The following EVC2 variants were observed in gnomAD, a reference collection of about 807,000 sequenced individuals.
EVC2 encodes limbin.
EVC2 carries 148 observed loss-of-function variants against 149.3 expected under a neutral mutation model. The observed-to-expected ratio is 0.99, with a 90% CI of 0.87 to 1.14. The LOEUF (loss-of-function observed/expected upper bound fraction) is 1.14, where lower values mean the gene tolerates loss of function less well. Ranked by LOEUF, EVC2 falls within the 50% of genes most tolerant of loss-of-function variation. The pLI is 0.00. For synonymous variants in EVC2, 776 were observed against 649.9 expected, an observed-to-expected ratio of 1.19 and a Z score of -2.95; for missense variants, 1,854 against 1,627.3, an observed-to-expected ratio of 1.14 and a Z score of -2.40.
Position 5,625,714 on chromosome 4 carries a change from T to C in EVC2, c.2046+35A>G. On this transcript the variant is annotated intron_variant, in intron 13 of 21. Coordinates refer to ENST00000344408, the MANE Select transcript of EVC2 (RefSeq NM_147127.5). This position sits in a 1 kb window ranked among gnomAD's most constrained non-coding sequence, Gnocchi z 4.0. ...CACTTGATGGGTATCAGAAAGTGCCTATGCAAAGAATAAATAGCATCATGC... is the reference window on the plus strand; with the variant it reads ...CACTTGATGGGTATCAGAAAGTGCCCATGCAAAGAATAAATAGCATCATGC... 1 of 1,613,720 alleles carries C rather than the reference T, an allele frequency of 6.2e-7. No homozygotes were observed. The highest frequency in any genetic ancestry group is 8.5e-7 in the Non-Finnish European group (1 of 1,179,904).
chr4:5,697,464 T>A (rs7656937), intron 2 of EVC2, 129 bp downstream of exon 2: 1 of 917,588 alleles, frequency 1.1e-6, no homozygotes, highest in East Asian at 2.6e-5. Context: ...CAGGGAATGA[T>A]CTACTTGCCC....
Position 5,707,029 on chromosome 4 carries a change from T to C in EVC2, c.228+1257A>G, listed in dbSNP as rs533089566. Among the ~76,000 whole-genome samples the C allele has an allele frequency of 1.6e-4, 25 of 152,222 alleles. 1 individual carries two copies. The South Asian group carries it at 2.1e-3, about 13-fold the overall frequency. On this transcript the variant is annotated intron_variant, in intron 1 of 21. Transcript: ENST00000344408. ...GTGCACCAGGATTTCTGACACTGGC[T>C]TCCCAGAAGGAAGAGCTTGTGCAAA...
chr4:5,594,962 C>G (rs894960635), intron 16 of EVC2, among the ~76,000 whole-genome samples: 3 of 152,034 alleles, frequency 2.0e-5, no homozygotes, highest in South Asian at 2.1e-4. Flanking sequence ...GGAAGAAAGG[C>G]TATCAGTGAC....
At chr4:5,609,458 C>A (rs1011576899) in intron 16 of EVC2, among the ~76,000 whole-genome samples, 14 of 152,314 alleles carry the variant, frequency 9.2e-5, no homozygotes, top group Admixed American at 4.6e-4. Context: ...TTGGCACCTG[C>A]CACAATGAAA....
rs115707508 is a variant in EVC2 at position 5,647,814 on chromosome 4, T to C, written c.1146-6976A>G. Among the ~76,000 whole-genome samples, 1,243 of 152,224 alleles carry C rather than the reference T, an allele frequency of 8.2e-3. 10 individuals carry two copies. The highest frequency in any genetic ancestry group is 0.031 in the Middle Eastern group (9 of 294). On this transcript the variant is annotated intron_variant, in intron 9 of 21. Coordinates refer to ENST00000344408, the MANE Select transcript of EVC2 (RefSeq NM_147127.5). ...GGCTACTCATCAGCTGACCTTAAGATTGAGATCAAGAACAAGGCCTTTTAA... is the reference window on the plus strand; with the variant it reads ...GGCTACTCATCAGCTGACCTTAAGACTGAGATCAAGAACAAGGCCTTTTAA...
chr4:5,587,187 C>A (rs990965565), intron 16 of EVC2, among the ~76,000 whole-genome samples: 2 of 152,066 alleles, frequency 1.3e-5, no homozygotes, highest in African/African-American at 4.8e-5. Flanking sequence ...ATTCAGTAGC[C>A]CCCACCTCTA....
chr4:5,536,567 G>A, the EVC2 span, among the ~76,000 whole-genome samples: 4,493 of 152,174 alleles, frequency 0.03, 97 homozygotes, highest in Non-Finnish European at 0.039. Flanking sequence ...GGCAGATCAC[G>A]AGGTCAGGAG....
At chr4:5,572,060 CTCTT>C (rs1577103921) in intron 19 of EVC2, among the ~76,000 whole-genome samples, 2 of 152,200 alleles carry the variant, frequency 1.3e-5, no homozygotes, top group East Asian at 3.9e-4. Context: ...TTCAATAAAT[CTCTT>C]TCTCTACAGA....
intron 1 of EVC2, among the ~76,000 whole-genome samples, chr4:5,704,069 T>C (rs1167453711): frequency 2.0e-5 from 3 of 151,990 alleles, no homozygotes; most frequent in African/African-American, 7.2e-5. Context: ...CTGGGGACAA[T>C]GGGAAGCCAC....
chr4:5,563,062 T>C lies in EVC2; in HGVS notation c.3713A>G (p.Lys1238Arg), dbSNP rs760992317. The C allele has an allele frequency of 1.2e-6, 2 of 1,614,144 alleles. No individual in the cohort carries two copies. The highest frequency in any genetic ancestry group is 1.7e-5 in the Admixed American group (1 of 60,024). Reference sequence around the variant, plus strand: ...CAGTGACAGGTGTGGCCAACTTCCTTTTCCAGAGAATATCATCCTCTCTCT... The same window carrying C: ...CAGTGACAGGTGTGGCCAACTTCCTCTTCCAGAGAATATCATCCTCTCTCT... The part of the protein sequence containing the change: ...PLRERMIFSG[K>R]GSWPHLSLEP... The change falls in exon 22 of 22, where the codon AAA becomes AGA. Residue 1238 changes from lysine to arginine, a missense_variant. Lys to Arg is a conservative substitution (Grantham distance 26). Coordinates refer to ENST00000344408, the MANE Select transcript of EVC2 (RefSeq NM_147127.5).
rs533239974 is a variant in EVC2 at position 5,577,354 on chromosome 4, C to T, written c.3058-900G>A. Among the ~76,000 whole-genome samples the T allele has an allele frequency of 3.3e-5, 5 of 152,302 alleles. No homozygotes were observed. The South Asian group carries it at 8.3e-4, about 25-fold the overall frequency. ...ATCTCACACAAGAAACTGTCCACAG[C>T]CTGCTTAGGTGGGTTGTGGGCGGAG... On this transcript the variant is annotated intron_variant, in intron 17 of 21. Coordinates refer to ENST00000344408, the MANE Select transcript of EVC2 (RefSeq NM_147127.5).
chr4:5,683,918 G>A (rs571177817), intron 6 of EVC2, among the ~76,000 whole-genome samples: 2 of 149,608 alleles, frequency 1.3e-5, no homozygotes, highest in Admixed American at 6.6e-5. Flanking sequence ...ACAGCTGCCC[G>A]GGAACACACA....
chr4:5,641,665 T>C (rs1404956062), intron 9 of EVC2, among the ~76,000 whole-genome samples: 2 of 152,218 alleles, frequency 1.3e-5, no homozygotes, highest in South Asian at 2.1e-4. Context: ...AAAAAATTAA[T>C]TTATGTTATG....
At chr4:5,546,937 G>C (rs2108757462) in intron 21 of EVC2, among the ~76,000 whole-genome samples, 1 of 152,260 alleles carries the variant, frequency 6.6e-6, no homozygotes, top group South Asian at 2.1e-4. Flanking sequence ...TGCAGCCACA[G>C]CTGCCCAAGT....
At chr4:5,702,988 C>G (rs1721919744) in intron 1 of EVC2, among the ~76,000 whole-genome samples, 1 of 152,182 alleles carries the variant, frequency 6.6e-6, no homozygotes, top group South Asian at 2.1e-4. Context: ...AGCAAATATA[C>G]AATTGTTATT....
At position 5,679,522 on chromosome 4, in the gene EVC2, G is replaced by A. The variant is rs1164951240; in HGVS notation, c.870+1738C>T. ...CAAAGTACTGAGATTACAGGCATGA[G>A]CCACTATGCCTGGCCACTAAATTTA... On this transcript the variant is annotated intron_variant, in intron 7 of 21. Transcript: ENST00000344408. The surrounding 1 kb of genome is among the most constrained non-coding windows in gnomAD (Gnocchi z 5.1). Among the ~76,000 whole-genome samples the A allele has an allele frequency of 6.6e-6, 1 of 152,172 alleles. No homozygotes were observed. The highest frequency in any genetic ancestry group is 2.4e-5 in the African/African-American group (1 of 41,434).
intron 9 of EVC2, among the ~76,000 whole-genome samples, chr4:5,651,619 G>A (rs1345180577): frequency 6.6e-6 from 1 of 152,212 alleles, no homozygotes; most frequent in Non-Finnish European, 1.5e-5. Flanking sequence ...ACAATCATAG[G>A]AAAGAACTGT....
chr4:5,654,985 C>T (rs551388362), intron 9 of EVC2, among the ~76,000 whole-genome samples: 51 of 152,308 alleles, frequency 3.3e-4, no homozygotes, highest in Non-Finnish European at 4.7e-4. Flanking sequence ...GCTTCCTCCC[C>T]GGCACCCAGC....
chr4:5,647,400 T>A (rs1435252770), intron 9 of EVC2, among the ~76,000 whole-genome samples: 1 of 152,184 alleles, frequency 6.6e-6, no homozygotes, highest in Non-Finnish European at 1.5e-5. Context: ...AATTTTACCA[T>A]CTTAGATTAA....
Sources: gnomAD v4.1 joint callset for allele counts (sites outside exome capture counted in the v4.1 genomes callset) on GRCh38, gnomAD v4.1.1 for gene constraint, Gnocchi (gnomAD v3.1) non-coding constraint, MANE v1.5 for transcripts, NCBI Gene and HGNC (gene_info 2026-07-23, HGNC 2026-07-21) for gene names.